The following URI1 variants were observed in gnomAD, a reference collection of about 807,000 sequenced individuals.
URI1 encodes the protein unconventional prefoldin RPB5 interactor 1.
URI1 carries 39 observed loss-of-function variants against 60.2 expected under a neutral mutation model. The ratio of observed to expected loss-of-function variants is 0.65; its 90% CI spans 0.50 to 0.85. The LOEUF (loss-of-function observed/expected upper bound fraction) is 0.85, where lower values mean the gene tolerates loss of function less well. Among genes scored for constraint, URI1 ranks in the 40% least tolerant of loss-of-function variants. URI1 has a pLI of 0.00. For synonymous variants in URI1, 251 were observed against 236.8 expected (o/e 1.06, Z -0.55); for missense variants, 691 against 665.9 (o/e 1.04, Z -0.42).
chr19:30,010,832 C>T (rs563576544), intron 8 of URI1, among the ~76,000 whole-genome samples: 1 of 152,076 alleles, frequency 6.6e-6, no homozygotes, highest in African/African-American at 2.4e-5. Flanking sequence ...GCATTTAGTT[C>T]AAATGTATTT....
chr19:29,981,549 A>T (rs980333934), intron 2 of URI1, among the ~76,000 whole-genome samples: 3 of 152,096 alleles, frequency 2.0e-5, no homozygotes, highest in African/African-American at 7.2e-5. Flanking sequence ...GATTAGCAAG[A>T]TTCAGAAGGA....
chr19:29,962,380 A>G (rs2055337206), intron 1 of URI1, among the ~76,000 whole-genome samples: 1 of 149,268 alleles, frequency 6.7e-6, no homozygotes, highest in Admixed American at 6.7e-5. Context: ...TTAGTACTAA[A>G]TATAATATGT....
At chr19:29,994,979 A>G (rs78339352) in intron 4 of URI1, among the ~76,000 whole-genome samples, 1 of 151,928 alleles carries the variant, frequency 6.6e-6, no homozygotes, top group Non-Finnish European at 1.5e-5. Context: ...ACAGGGTTTC[A>G]CCATGTTGGC....
chr19:29,958,924 C>T (rs754849959), intron 1 of URI1, among the ~76,000 whole-genome samples: 10 of 150,800 alleles, frequency 6.6e-5, no homozygotes, highest in Non-Finnish European at 1.3e-4. Flanking sequence ...CACGCCACTG[C>T]ACTCCAGCCT....
intron 4 of URI1, among the ~76,000 whole-genome samples, chr19:29,989,079 T>G (rs868646757): frequency 6.6e-6 from 1 of 152,176 alleles, no homozygotes; most frequent in East Asian, 1.9e-4. Context: ...TGAACTCTTT[T>G]GCCCATTTTA....
At chr19:29,956,980 G>T in intron 1 of URI1, 1 of 847,780 alleles carries the variant, frequency 1.2e-6, no homozygotes, top group Non-Finnish European at 2.0e-6. Context: ...TGCTGAGAAT[G>T]GTCTTCATTC....
rs1354960478 is a variant in URI1 at position 30,009,272 on chromosome 19, T to G, written c.954T>G (p.Gly318=). Residue 318 remains glycine, a synonymous_variant, in exon 8 of 11, where the codon GGT becomes GGG. Transcript: ENST00000392271. ...DDDDNIDDDD[G]DNDHEALGVG... ...ACGACAACATTGACGACGATGATGG[T>G]GATAACGACCATGAGGCTTTAGGGG... is the stretch of plus-strand genomic sequence containing the variant. 3 of 1,613,944 alleles carry G rather than the reference T, an allele frequency of 1.9e-6. No individual in the cohort carries two copies. Among genetic ancestry groups the G allele is most frequent in the Admixed American group, 1.7e-5 (1 of 59,984 alleles).
At position 29,942,477 on chromosome 19, in the gene URI1, C is replaced by G. The variant is rs559456073; in HGVS notation, c.-71C>G. The G allele has an allele frequency of 4.1e-4, 445 of 1,089,532 alleles. 2 individuals are homozygous for G. In the African/African-American group the frequency reaches 6.8e-3, roughly 17 times the overall value. 67.5% of individuals were successfully genotyped at this position (1,089,532 alleles called of 1,614,324 possible). On this transcript the variant is annotated 5_prime_UTR_variant, in exon 1 of 11. Transcript: ENST00000392271. Reference sequence around the variant, plus strand: ...GGGCGGGCGCGCGGGCGCTGGGCAACTGCCGGCCGCGCCGCCTGCGCAGGC... The same window carrying G: ...GGGCGGGCGCGCGGGCGCTGGGCAAGTGCCGGCCGCGCCGCCTGCGCAGGC...
intron 3 of URI1, among the ~76,000 whole-genome samples, chr19:29,985,591 T>C (rs10403765): frequency 0.016 from 2,456 of 152,300 alleles, 67 homozygotes; most frequent in African/African-American, 0.056. Context: ...GACAGAAATA[T>C]GGTACTAAGT....
chr19:29,980,942 A>T (rs374181365), intron 2 of URI1, among the ~76,000 whole-genome samples: 2 of 151,132 alleles, frequency 1.3e-5, no homozygotes, highest in African/African-American at 4.8e-5. Context: ...AAAAAAAAAA[A>T]AAGTTCAATG....
At chr19:29,969,246 C>T (rs1156894854) in intron 1 of URI1, among the ~76,000 whole-genome samples, 3 of 152,102 alleles carry the variant, frequency 2.0e-5, no homozygotes, top group African/African-American at 7.2e-5. Context: ...TTTTGTTGTT[C>T]GTCTATCTTC....
chr19:29,990,934 C>T (rs1172018105), intron 4 of URI1, among the ~76,000 whole-genome samples: 1 of 152,080 alleles, frequency 6.6e-6, no homozygotes, highest in Admixed American at 6.5e-5. Context: ...TGTTTTTGGA[C>T]CATCTGTTCT....
At chr19:29,977,044 G>C (rs2055531954) in intron 2 of URI1, among the ~76,000 whole-genome samples, 1 of 151,616 alleles carries the variant, frequency 6.6e-6, no homozygotes, top group South Asian at 2.1e-4. Flanking sequence ...GCTTCCATTA[G>C]AATTTATAGT....
upstream of URI1, among the ~76,000 whole-genome samples, chr19:29,942,009 C>T (rs113858860): frequency 0.012 from 1,740 of 148,662 alleles, 41 homozygotes; most frequent in African/African-American, 0.041. Flanking sequence ...GTTCCAAAGC[C>T]TATATTTAGT....
intron 1 of URI1, among the ~76,000 whole-genome samples, chr19:29,967,148 G>A (rs2055401037): frequency 6.6e-6 from 1 of 152,150 alleles, no homozygotes; most frequent in Admixed American, 6.5e-5. Context: ...TTTTTAAAAA[G>A]CAGCTTCTGA....
intron 9 of URI1, among the ~76,000 whole-genome samples, 187 bp from the exon 10 acceptor site, chr19:30,012,098 T>A (rs569745992): frequency 6.6e-6 from 1 of 152,304 alleles, no homozygotes; most frequent in South Asian, 2.1e-4. Context: ...GAGAAATAGC[T>A]TTCAAAATAG....
intron 4 of URI1, among the ~76,000 whole-genome samples, chr19:29,996,038 G>A (rs1343456146): frequency 6.6e-6 from 1 of 152,080 alleles, no homozygotes; most frequent in Admixed American, 6.5e-5. Flanking sequence ...AAAACAGAAA[G>A]ATGAGACTTA....
intron 3 of URI1, 32 bp downstream of exon 3, chr19:29,985,333 G>A: frequency 1.3e-6 from 2 of 1,555,766 alleles, no homozygotes; most frequent in South Asian, 1.1e-5. Context: ...TAAAGTAATA[G>A]TTGTTTCTTG....
chr19:30,012,520 G>A lies in URI1; in HGVS notation c.1414G>A (p.Val472Ile), dbSNP rs761163095. 6 of 1,613,966 alleles carry A rather than the reference G, an allele frequency of 3.7e-6. No individual in the cohort carries two copies. Among genetic ancestry groups the A allele is most frequent in the Non-Finnish European group, 8.5e-7 (1 of 1,179,984 alleles). ...TCAAAAGAAACTTTTGCCCTTATCA[G>A]TAACACCTGAGGTGTGTGTGTGTAT... ...ENQKKLLPLS[V>I]TPEAFSGTVI... Residue 472 changes from valine to isoleucine, a missense_variant, in exon 10 of 11, where the codon GTA (valine) becomes ATA (isoleucine). Val to Ile is a conservative substitution (Grantham distance 29). Transcript: ENST00000392271.
Sources: gnomAD v4.1 joint callset for allele counts (sites outside exome capture counted in the v4.1 genomes callset) on GRCh38, gnomAD v4.1.1 for gene constraint, MANE v1.5 for transcripts, NCBI Gene and HGNC (gene_info 2026-07-23, HGNC 2026-07-21) for gene names.